FREM1: variants seen among roughly 807,000 people sequenced by gnomAD.
The protein encoded by FREM1 is FRAS1-related extracellular matrix protein 1.
A neutral mutation model predicts 210.1 loss-of-function variants in FREM1; 220 were observed. The observed-to-expected ratio is 1.05, with a 90% CI of 0.94 to 1.17. The LOEUF (loss-of-function observed/expected upper bound fraction) is 1.17. Among genes scored for constraint, FREM1 ranks in the 50% most tolerant of loss-of-function variants. FREM1 has a pLI of 0.00. For missense variants in FREM1, 3,454 were observed against 2,675.5 expected (o/e 1.29, Z -6.42); for synonymous variants, 1,189 against 980.2 (o/e 1.21, Z -3.98).
intron 15 of FREM1, among the ~76,000 whole-genome samples, chr9:14,814,830 C>G (rs10156657): frequency 0.07 from 10,635 of 152,194 alleles, 473 homozygotes; most frequent in Admixed American, 0.092. Context: ...TTGGCTGTGC[C>G]TCTGTTTGGC....
intron 27 of FREM1, among the ~76,000 whole-genome samples, chr9:14,767,349 G>T (rs140181401): frequency 1.3e-3 from 203 of 152,252 alleles, no homozygotes; most frequent in African/African-American, 4.7e-3. Flanking sequence ...AGACAAGTCT[G>T]GTGTTCCATT....
chr9:14,748,758 G>A (rs1563826185), intron 30 of FREM1, 119 bp from the exon 31 acceptor site: 3 of 679,832 alleles, frequency 4.4e-6, no homozygotes, highest in Non-Finnish European at 7.6e-6. Context: ...TTTCCCACCA[G>A]ATGTTGCCTT....
chr9:14,739,556 AAATAT>A (rs996040803), intron 36 of FREM1, among the ~76,000 whole-genome samples: 8 of 147,346 alleles, frequency 5.4e-5, no homozygotes, highest in African/African-American at 2.0e-4. Flanking sequence ...TTATATATAC[AAATAT>A]AATATATATT....
At chr9:14,886,429 C>T (rs1420069464) in intron 1 of FREM1, among the ~76,000 whole-genome samples, 1 of 146,152 alleles carries the variant, frequency 6.8e-6, no homozygotes, top group Admixed American at 6.8e-5. Context: ...ATAAAATACG[C>T]TAACAGAGAA....
chr9:14,879,745 TAA>T (rs1834445945), intron 1 of FREM1, among the ~76,000 whole-genome samples: 2 of 152,210 alleles, frequency 1.3e-5, no homozygotes, highest in African/African-American at 4.8e-5. Context: ...TTCCATTCGG[TAA>T]AGCAACTCTA....
intron 2 of FREM1, among the ~76,000 whole-genome samples, chr9:14,867,403 G>A (rs974016999): frequency 6.6e-6 from 1 of 152,166 alleles, no homozygotes; most frequent in Non-Finnish European, 1.5e-5. Context: ...CTAATATGTG[G>A]AGCCATTGTT....
chr9:14,830,294 T>C (rs920951025), intron 10 of FREM1, among the ~76,000 whole-genome samples: 1 of 152,232 alleles, frequency 6.6e-6, no homozygotes, highest in East Asian at 1.9e-4. Context: ...GTGTACTGAT[T>C]TATCACTTCA....
intron 10 of FREM1, among the ~76,000 whole-genome samples, chr9:14,834,548 T>C (rs1323632406): frequency 2.0e-5 from 3 of 152,200 alleles, no homozygotes; most frequent in Non-Finnish European, 2.9e-5. Flanking sequence ...TTTCATATCA[T>C]AGTAAAGACT....
At chr9:14,775,073 A>T (rs1423349539) in intron 25 of FREM1, among the ~76,000 whole-genome samples, 1 of 152,226 alleles carries the variant, frequency 6.6e-6, no homozygotes, top group Admixed American at 6.5e-5. Context: ...TTTCAACATC[A>T]AATATGTTTC....
chr9:14,843,448 C>A (rs1422280759), intron 8 of FREM1, among the ~76,000 whole-genome samples: 3 of 152,154 alleles, frequency 2.0e-5, no homozygotes, highest in Non-Finnish European at 4.4e-5. Context: ...CTCTCAGCCT[C>A]CGCAATTACA....
At chr9:14,886,617 C>T (rs961206626) in intron 1 of FREM1, among the ~76,000 whole-genome samples, 1 of 151,670 alleles carries the variant, frequency 6.6e-6, no homozygotes, top group Non-Finnish European at 1.5e-5. Flanking sequence ...ATAGAATGTA[C>T]AGGGGCGGTG....
At chr9:14,822,763 A>G (rs1327235911) in intron 13 of FREM1, among the ~76,000 whole-genome samples, 1 of 152,184 alleles carries the variant, frequency 6.6e-6, no homozygotes, top group Non-Finnish European at 1.5e-5. Flanking sequence ...TGGAAAATTA[A>G]AGAGCTTCTT....
At chr9:14,822,728 C>T (rs1494346) in intron 13 of FREM1, among the ~76,000 whole-genome samples, 14,923 of 152,108 alleles carry the variant, frequency 0.098, 1,266 homozygotes, top group East Asian at 0.44. Context: ...CAAAGTATGA[C>T]AGAAGGGTCC....
rs1462083627 is a variant in FREM1, at chr9:14,857,633, G to C, written c.748C>G (p.Leu250Val). The C allele has an allele frequency of 1.2e-6, 2 of 1,613,768 alleles. No homozygotes were observed. Among genetic ancestry groups the C allele is most frequent in the East Asian group, 2.2e-5 (1 of 44,880 alleles). The change falls in exon 5 of 37, where the codon CTG becomes GTG. Residue 250 changes from leucine (L) to valine (V), a missense_variant. Coordinates refer to ENST00000380880, the MANE Select transcript of FREM1 (RefSeq NM_001379081.2). ...TCAATGTTGGGTGAAGGGGGATCCA[G>C]ATGCTGATAACGAAGGCCCATCAGC... is the stretch of plus-strand genomic sequence containing the variant. ...FLLMGLRYQH[L>V]DPPSPNIDYI...
At position 14,865,017 on chromosome 9, in the gene FREM1, G is replaced by A. The variant is rs114341373; in HGVS notation, c.235-1114C>T. Among the ~76,000 whole-genome samples the A allele has an allele frequency of 6.3e-3, 956 of 152,194 alleles. 8 individuals carry two copies. The highest frequency in any genetic ancestry group is 0.02 in the African/African-American group (840 of 41,526). On this transcript the variant is annotated intron_variant, in intron 2 of 36. Transcript: ENST00000380880. Reference sequence around the variant, plus strand: ...ATAATATGTTTTCCTTTTATAAAAGGCGACAACCATAATTGTCCATAAATT... The same window carrying A: ...ATAATATGTTTTCCTTTTATAAAAGACGACAACCATAATTGTCCATAAATT...
intron 20 of FREM1, 58 bp from the exon 21 acceptor site, chr9:14,797,700 T>G: frequency 7.1e-7 from 1 of 1,403,730 alleles, no homozygotes; most frequent in East Asian, 2.3e-5. Context: ...TCATGACATA[T>G]GTCACAGATA....
intron 1 of FREM1, among the ~76,000 whole-genome samples, chr9:14,891,386 G>C (rs1341632429): frequency 6.6e-6 from 1 of 152,238 alleles, no homozygotes; most frequent in Admixed American, 6.5e-5. Context: ...TGCCCTTAGA[G>C]AGTGTACAGT....
At chr9:14,873,195 G>A (rs1299026288) in intron 1 of FREM1, among the ~76,000 whole-genome samples, 1 of 152,092 alleles carries the variant, frequency 6.6e-6, no homozygotes, top group Non-Finnish European at 1.5e-5. Flanking sequence ...AAATGAGTTA[G>A]GGAGGATTCC....
chr9:14,827,732 A>ATTCT (rs1316055085), intron 10 of FREM1, among the ~76,000 whole-genome samples: 16 of 152,216 alleles, frequency 1.1e-4, no homozygotes, highest in African/African-American at 3.4e-4. Context: ...TTCCCATCAC[A>ATTCT]GGTTCAGAAT....
Sources: gnomAD v4.1 joint callset for allele counts (sites outside exome capture counted in the v4.1 genomes callset) on GRCh38, gnomAD v4.1.1 for gene constraint, MANE v1.5 for transcripts, NCBI Gene and HGNC (gene_info 2026-07-23, HGNC 2026-07-21) for gene names.